GRIK1: variants seen among roughly 807,000 people sequenced by gnomAD.
GRIK1 encodes the protein glutamate ionotropic receptor kainate type subunit 1.
GRIK1 carries 69 observed loss-of-function variants against 105.7 expected under a neutral mutation model. The observed-to-expected ratio is 0.65, with a 90% CI of 0.54 to 0.80. The LOEUF is 0.80. Among genes scored for constraint, GRIK1 ranks in the 30% least tolerant of loss-of-function variants. The probability of loss-of-function intolerance (pLI) is 0.00; values close to 1 mark genes in which losing one functional copy is unlikely to be tolerated. For synonymous variants in GRIK1, 438 were observed against 431.3 expected (o/e 1.02, Z -0.19); for missense variants, 1,109 against 1,167.3 (o/e 0.95, Z 0.73).
chr21:29,925,504 T>C lies in GRIK1; in HGVS notation c.118+13879A>G, dbSNP rs2071336690. On this transcript the variant is annotated intron_variant, in intron 1 of 17. Coordinates refer to ENST00000327783, the MANE Select transcript of GRIK1 (RefSeq NM_001330994.2). ...AATATAAGAATGAATAAATGAATAG[T>C]AAATGACAGAGAGGGTGTGAATACA... Among the ~76,000 whole-genome samples, 2 of 152,202 alleles carry C rather than the reference T, an allele frequency of 1.3e-5. 1 individual carries two copies. The highest frequency in any genetic ancestry group is 4.1e-4 in the South Asian group (2 of 4,830).
At chr21:29,763,473 A>G (rs907419553) in intron 1 of GRIK1, 2 of 152,366 alleles carry the variant, frequency 1.3e-5, no homozygotes, top group African/African-American at 4.8e-5. Flanking sequence ...GCTCTGTCCA[A>G]TGGTGGTCAA....
intron 7 of GRIK1, among the ~76,000 whole-genome samples, chr21:29,632,308 C>T (rs936923558): frequency 1.3e-5 from 2 of 151,910 alleles, no homozygotes; most frequent in Non-Finnish European, 2.9e-5. Context: ...TTTCTTTGCT[C>T]CTGATTGCAT....
At chr21:29,709,423 G>A (rs544188768) in intron 1 of GRIK1, among the ~76,000 whole-genome samples, 145 of 151,850 alleles carry the variant, frequency 9.5e-4, no homozygotes, top group African/African-American at 3.3e-3. Context: ...TGGGATTACA[G>A]GTGCCCGCCA....
rs562248535 is a variant in GRIK1 at position 29,851,571 on chromosome 21, T to C, written c.118+87812A>G. Among the ~76,000 whole-genome samples, 8 of 152,348 alleles carry C rather than the reference T, an allele frequency of 5.3e-5. No homozygotes were observed. In the East Asian group the frequency reaches 1.5e-3, roughly 29 times the overall value. On this transcript the variant is annotated intron_variant, in intron 1 of 17. Transcript: ENST00000327783. ...TGCAGTGGAAATGCCAGAGTCTGAA[T>C]GACTTTAGCTTGAGTCCTGGTTCTG...
chr21:29,601,055 A>G (rs1401463293), intron 7 of GRIK1, among the ~76,000 whole-genome samples: 1 of 152,206 alleles, frequency 6.6e-6, no homozygotes, highest in Admixed American at 6.5e-5. Context: ...CTAGTCAAAC[A>G]TTATTTCTGG....
chr21:29,656,354 CAAAA>C (rs3054331), intron 4 of GRIK1, among the ~76,000 whole-genome samples: 33 of 51,132 alleles, frequency 6.5e-4, no homozygotes, highest in African/African-American at 1.3e-3. Flanking sequence ...GAGCGAGACT[CAAAA>C]AAAAAAAAAA....
rs1568843509 is a variant in GRIK1 at position 29,580,087 on chromosome 21, G to GTATATATATGTATATATA, written c.1912+1337_1912+1338insTATATATACATATATATA. Among the ~76,000 whole-genome samples the GTATATATATGTATATATA allele has an allele frequency of 1.8e-3, 262 of 143,914 alleles. 1 individual carries two copies. Among genetic ancestry groups the GTATATATATGTATATATA allele is most frequent in the African/African-American group, 6.4e-3 (247 of 38,670 alleles). The allele number at this position is 143,914 out of a possible 152,430, so 94.4% of individuals were successfully genotyped here. ...TATGTGTATATATATGTATATGTGT[G>GTATATATATGTATATATA]TGTATATATATGTGTGTATATATAC... On this transcript the variant is annotated intron_variant, in intron 13 of 17. Coordinates refer to ENST00000327783, the MANE Select transcript of GRIK1 (RefSeq NM_001330994.2).
At chr21:29,758,701 C>T (rs1008419535) in intron 1 of GRIK1, 1 of 152,602 alleles carries the variant, frequency 6.6e-6, no homozygotes, top group Non-Finnish European at 1.5e-5. Flanking sequence ...TCAAAGAAGC[C>T]TGTATTTGCT....
At chr21:29,551,411 T>A (rs902765080) in intron 16 of GRIK1, among the ~76,000 whole-genome samples, 3 of 152,216 alleles carry the variant, frequency 2.0e-5, no homozygotes, top group African/African-American at 7.2e-5. Context: ...AGCATGTGGC[T>A]CTGCTAGAAC....
chr21:29,746,905 A>G (rs568838563), intron 1 of GRIK1, among the ~76,000 whole-genome samples: 4 of 152,328 alleles, frequency 2.6e-5, no homozygotes, highest in African/African-American at 9.6e-5. Flanking sequence ...CAAAATAATC[A>G]AAAGGAAAAA....
chr21:29,765,327 A>T (rs548489134), intron 1 of GRIK1, among the ~76,000 whole-genome samples: 5 of 152,042 alleles, frequency 3.3e-5, no homozygotes, highest in African/African-American at 1.2e-4. Flanking sequence ...AGTAGAGATT[A>T]TGCTTTCAAG....
chr21:29,811,448 CTAACTA>C (rs1258412311), intron 1 of GRIK1, among the ~76,000 whole-genome samples: 1 of 152,126 alleles, frequency 6.6e-6, no homozygotes, highest in East Asian at 1.9e-4. Flanking sequence ...TTTATTCTCT[CTAACTA>C]TAAGTAGATT....
chr21:29,551,015 T>G (rs1475436897), intron 16 of GRIK1, among the ~76,000 whole-genome samples: 1 of 152,200 alleles, frequency 6.6e-6, no homozygotes, highest in Non-Finnish European at 1.5e-5. Flanking sequence ...CAAGATGTCT[T>G]GTACACTATT....
intron 1 of GRIK1, among the ~76,000 whole-genome samples, chr21:29,889,319 T>C (rs956537762): frequency 1.4e-4 from 22 of 152,144 alleles, no homozygotes; most frequent in Non-Finnish European, 2.9e-5. Context: ...GAGAACATAT[T>C]TGTCCTTCTT....
chr21:29,819,527 C>T (rs2067242447), intron 1 of GRIK1, among the ~76,000 whole-genome samples: 1 of 151,916 alleles, frequency 6.6e-6, no homozygotes, highest in South Asian at 2.1e-4. Context: ...TTTCTTCTTT[C>T]TATTTTTATT....
chr21:29,846,459 G>A (rs200857236), intron 1 of GRIK1, among the ~76,000 whole-genome samples: 3,085 of 105,826 alleles, frequency 0.029, 44 homozygotes, highest in East Asian at 0.064. Context: ...GAAGGAAAGA[G>A]AGAGAGAAAG....
At chr21:29,672,872 C>A in intron 4 of GRIK1, 111 bp downstream of exon 4, 1 of 752,598 alleles carries the variant, frequency 1.3e-6, no homozygotes, top group Admixed American at 2.4e-5. Flanking sequence ...TTAGCATAAA[C>A]GGGACTGCTG....
chr21:29,797,862 C>T (rs2066600476), intron 1 of GRIK1, among the ~76,000 whole-genome samples: 1 of 152,192 alleles, frequency 6.6e-6, no homozygotes, highest in Admixed American at 6.5e-5. Context: ...AATGCCCAAT[C>T]ATCCCTTTAT....
chr21:29,560,305 TTCTTTCTTTC>T (rs2090368528), intron 15 of GRIK1, among the ~76,000 whole-genome samples: 3 of 111,634 alleles, frequency 2.7e-5, no homozygotes, highest in Admixed American at 9.5e-5. Flanking sequence ...CTTTCTTTCT[TTCTTTCTTTC>T]TTTCTTTCTT....
Sources: gnomAD v4.1 joint callset for allele counts (sites outside exome capture counted in the v4.1 genomes callset) on GRCh38, gnomAD v4.1.1 for gene constraint, MANE v1.5 for transcripts, NCBI Gene and HGNC (gene_info 2026-07-23, HGNC 2026-07-21) for gene names.